Variants in CNR2 observed in about 807,000 individuals in gnomAD.
The protein encoded by CNR2 is cannabinoid receptor 2 (macrophage).
For missense variants in CNR2, 379 were observed against 439.9 expected, an observed-to-expected ratio of 0.86 and a Z score of 1.24; for synonymous variants, 172 against 182.2, an observed-to-expected ratio of 0.94 and a Z score of 0.45.
chr1:23,902,220 TCCCGAGTGACAA>T (rs56319936), intron 1 of CNR2: 1,361,015 of 1,365,466 alleles, frequency 1, 678,493 homozygotes, highest in East Asian at 1. Context: ...GTTGAGGGCC[TCCCGAGTGACAA>T]TGATCTCCAA....
rs992946797 is a variant in CNR2 at position 23,874,414 on chromosome 1, G to A, written c.*121C>T. 7 of 1,115,686 alleles carry A rather than the reference G, an allele frequency of 6.3e-6. No homozygotes were observed. The highest frequency in any genetic ancestry group is 7.7e-6 in the Non-Finnish European group (6 of 783,880). The allele number at this position is 1,115,686 out of a possible 1,614,324, so 69.1% of individuals were successfully genotyped here. ...AGTCCCAACACTCATCAGCAAAAAG[G>A]GGTCCGTGTCTAGGTGTCTGGGACT... On this transcript the variant is annotated 3_prime_UTR_variant, in exon 2 of 2. Coordinates refer to ENST00000374472, the MANE Select transcript of CNR2 (RefSeq NM_001841.3).
At chr1:23,893,438 T>G (rs1570713781) in intron 1 of CNR2, among the ~76,000 whole-genome samples, 1 of 152,258 alleles carries the variant, frequency 6.6e-6, no homozygotes, top group Non-Finnish European at 1.5e-5. Flanking sequence ...GAGCTTCAGT[T>G]TCTTCCTCTG....
At position 23,875,042 on chromosome 1, in the gene CNR2, C is replaced by T. The variant is rs1639845212; in HGVS notation, c.576G>A (p.Leu192=). Reference sequence around the variant, plus strand: ...GGAAGGCGATGAACAGGAGCCAGCTCAGCAGGTAGTCATTGGGGATCAGTG... The same window carrying T: ...GGAAGGCGATGAACAGGAGCCAGCTTAGCAGGTAGTCATTGGGGATCAGTG... ...LFPLIPNDYL[L]SWLLFIAFLF... Residue 192 remains leucine, a synonymous_variant, in exon 2 of 2, where the codon CTG becomes CTA. Transcript: ENST00000374472. The T allele has an allele frequency of 1.9e-6, 3 of 1,607,500 alleles. No individual in the cohort carries two copies. Among genetic ancestry groups the T allele is most frequent in the Non-Finnish European group, 1.7e-6 (2 of 1,176,972 alleles).
intron 1 of CNR2, among the ~76,000 whole-genome samples, chr1:23,888,855 G>GTTTAT (rs1640136096): frequency 6.6e-6 from 1 of 152,084 alleles, no homozygotes; most frequent in Non-Finnish European, 1.5e-5. Context: ...TGTAATCCCA[G>GTTTAT]CTATTCGGGA....
chr1:23,902,536 G>C (rs1341409937), intron 1 of CNR2: 1 of 1,608,692 alleles, frequency 6.2e-7, no homozygotes, highest in African/African-American at 1.3e-5. Flanking sequence ...AAGGCTGCGG[G>C]CTCCACGTCT....
At chr1:23,903,858 A>G (rs1226621254) in intron 1 of CNR2, among the ~76,000 whole-genome samples, 2 of 152,328 alleles carry the variant, frequency 1.3e-5, no homozygotes, top group Admixed American at 1.3e-4. Flanking sequence ...GCAAAGATGC[A>G]GTGACTTGTC....
chr1:23,877,658 A>T lies in CNR2; in HGVS notation c.-45-1996T>A, dbSNP rs1278047366. On this transcript the variant is annotated intron_variant, in intron 1 of 1. Coordinates refer to ENST00000374472, the MANE Select transcript of CNR2 (RefSeq NM_001841.3). ...CTCCATCTCAAAAAAAATAAAAAGA[A>T]AAAAAAAGAAAGTAGATCTGGGGCT... 4.0e-5 allele frequency among the ~76,000 whole-genome samples: 6 copies of T among 149,430 alleles called. No individual in the cohort carries two copies. The East Asian group carries it at 1.2e-3, about 30-fold the overall frequency.
chr1:23,889,118 C>T (rs1254393439), intron 1 of CNR2, among the ~76,000 whole-genome samples: 2 of 152,146 alleles, frequency 1.3e-5, no homozygotes, highest in African/African-American at 2.4e-5. Flanking sequence ...GTGTTAGGGG[C>T]TGCAGCCTAC....
intron 1 of CNR2, among the ~76,000 whole-genome samples, chr1:23,893,659 CTT>C (rs1640229290): frequency 6.6e-6 from 1 of 152,248 alleles, no homozygotes; most frequent in South Asian, 2.1e-4. Flanking sequence ...CCTACTCTCT[CTT>C]GTCCCAGTAT....
intron 1 of CNR2, among the ~76,000 whole-genome samples, chr1:23,888,917 T>C (rs1388140074): frequency 6.6e-6 from 1 of 151,998 alleles, no homozygotes; most frequent in East Asian, 1.9e-4. Flanking sequence ...TGCAGTGAGC[T>C]GAGATTGCGC....
chr1:23,884,803 AATT>A lies in CNR2; in HGVS notation c.-45-9144_-45-9142del, dbSNP rs1366333611. Among the ~76,000 whole-genome samples the A allele has an allele frequency of 9.6e-4, 45 of 46,642 alleles. 1 individual carries two copies. 30.6% of individuals were successfully genotyped at this position (46,642 alleles called of 152,430 possible). ...TGCTGCATAGCAGGTGCTCAAAAAC[AATT>A]TTTTTTTTTTTTGAGATAGAGTCTC... On this transcript the variant is annotated intron_variant, in intron 1 of 1. Transcript: ENST00000374472.
In CNR2 at chr1:23,873,300, A is replaced by G. The variant is rs1412206024; in HGVS notation, c.*1235T>C. ...ACCCAGGCTGGAGTGCAGTGGTGCA[A>G]TCTCGGCTCACTGCAACCTCTGCCT... On this transcript the variant is annotated 3_prime_UTR_variant, in exon 2 of 2. Transcript: ENST00000374472. 1 of 152,016 alleles carries G rather than the reference A, an allele frequency of 6.6e-6. No individual in the cohort carries two copies. The highest frequency in any genetic ancestry group is 2.4e-5 in the African/African-American group (1 of 41,348). 9.4% of individuals were successfully genotyped at this position (152,016 alleles called of 1,614,324 possible).
chr1:23,906,677 C>T (rs1392096672), intron 1 of CNR2, among the ~76,000 whole-genome samples: 3 of 151,138 alleles, frequency 2.0e-5, no homozygotes, highest in East Asian at 1.9e-4. Context: ...CCACCGCACC[C>T]GGCCAATTCA....
At chr1:23,901,716 A>G (rs4649135) in intron 1 of CNR2, 1,405,367 of 1,409,210 alleles carry the variant, frequency 1, 700,834 homozygotes, top group East Asian at 1. Context: ...TCCGACATGA[A>G]TTTGGTCAGA....
chr1:23,878,301 G>A (rs751351076), intron 1 of CNR2, among the ~76,000 whole-genome samples: 3 of 151,468 alleles, frequency 2.0e-5, no homozygotes, highest in East Asian at 2.0e-4. Context: ...GGAGGCCAAG[G>A]CTTCAGTGAG....
rs1639864759 is a variant in CNR2, at chr1:23,875,761, T to C, written c.-45-99A>G. 6.4e-6 allele frequency: 6 copies of C among 944,190 alleles called. No homozygotes were observed. In the South Asian group the frequency reaches 1.1e-4, roughly 17 times the overall value. 58.5% of individuals were successfully genotyped at this position (944,190 alleles called of 1,614,324 possible). ...TAGCCAAAACTGCTACCTGTATGGA[T>C]GGATTCTATGTGGGAAAATCAGTTT... On this transcript the variant is annotated intron_variant, in intron 1 of 1. Transcript: ENST00000374472.
At position 23,912,600 on chromosome 1, in the gene CNR2, C is replaced by T. The variant is rs1040757409; in HGVS notation, c.-46+646G>A. ...CAACAGTGATAGCTCCTACTGCATA[C>T]GGCTGTTGTGAGGATTAAATAAATC... On this transcript the variant is annotated intron_variant, in intron 1 of 1. Coordinates refer to ENST00000374472, the MANE Select transcript of CNR2 (RefSeq NM_001841.3). Among the ~76,000 whole-genome samples the T allele has an allele frequency of 3.9e-5, 6 of 152,050 alleles. No homozygotes were observed. The East Asian group carries it at 5.8e-4, about 15-fold the overall frequency.
At chr1:23,880,470 A>G (rs61778166) in intron 1 of CNR2, among the ~76,000 whole-genome samples, 9,392 of 152,156 alleles carry the variant, frequency 0.062, 361 homozygotes, top group South Asian at 0.12. Flanking sequence ...CACTGCACCT[A>G]GCCCAACCTC....
intron 1 of CNR2, among the ~76,000 whole-genome samples, chr1:23,890,745 CAAA>C (rs34698652): frequency 1.1e-4 from 16 of 140,070 alleles, no homozygotes; most frequent in Admixed American, 4.3e-4. Flanking sequence ...GACTCTGTCT[CAAA>C]AAAAAAAAAA....
Sources: allele counts gnomAD v4.1 joint callset (sites outside exome capture counted in the v4.1 genomes callset), GRCh38; gene constraint gnomAD v4.1.1; transcripts MANE v1.5; gene names NCBI Gene and HGNC (gene_info 2026-07-23, HGNC 2026-07-21).